Variants in CLK1 observed in about 807,000 individuals in gnomAD.
The protein encoded by CLK1 is CDC like kinase 1.
A neutral mutation model predicts 60.9 loss-of-function variants in CLK1; 40 were observed. The ratio of observed to expected loss-of-function variants is 0.66; its 90% confidence interval spans 0.51 to 0.86. CLK1 has a LOEUF of 0.86. CLK1 is among the 40% of genes least tolerant of loss of function. CLK1 has a pLI of 0.00. For missense variants in CLK1, 563 were observed against 606.1 expected (o/e 0.93, Z 0.75); for synonymous variants, 203 against 184.4 (o/e 1.10, Z -0.82).
In CLK1 at chr2:200,853,430, T is replaced by A. The variant is rs1352982873; in HGVS notation, c.1331A>T (p.Asp444Val). The change falls in exon 13 of 13, where the codon GAT becomes GTT. Residue 444 changes from aspartate (D) to valine (V), a missense_variant. By Grantham distance (152) the Asp-to-Val change is radical (BLOSUM62 -3). Transcript: ENST00000321356. ...KPLKEFMLSQ[D>V]VEHERLFDLI... ...GTCAAAGAGACGCTCATGTTCAACA[T>A]CTTGAGAAAGCATAAATTCCTGGAA... 2 of 1,601,602 alleles carry A rather than the reference T, an allele frequency of 1.2e-6. No homozygotes were observed.
At chr2:200,856,237 A>G (rs962231234) in intron 9 of CLK1, among the ~76,000 whole-genome samples, 21 of 151,496 alleles carry the variant, frequency 1.4e-4, no homozygotes, top group African/African-American at 5.1e-4. Flanking sequence ...CACCCAGCTA[A>G]TTTTTTGTAT....
At chr2:200,854,935 A>C (rs988365784) in intron 10 of CLK1, 69 bp downstream of exon 10, 122 of 1,175,486 alleles carry the variant, frequency 1.0e-4, no homozygotes, top group Non-Finnish European at 1.4e-4. Flanking sequence ...GGGAAGCAAA[A>C]GTATTTATTC....
Position 200,854,000 on chromosome 2 carries a change from A to G in CLK1, c.1221-7T>C, listed in dbSNP as rs757000228. The G allele has an allele frequency of 1.9e-6, 3 of 1,589,470 alleles. No homozygotes were observed. Among genetic ancestry groups the G allele is most frequent in the African/African-American group, 1.3e-5 (1 of 74,230 alleles). ...GTGAAAATATTTACGTTTCCTAAAA[A>G]TAAGTCAATATCCATTCATGTTTAT... On this transcript the variant is annotated splice_region_variant and splice_polypyrimidine_tract_variant and intron_variant, in intron 11 of 12. Transcript: ENST00000321356.
chr2:200,854,776 A>T lies in CLK1; in HGVS notation c.1141-81T>A, dbSNP rs965800046. The T allele has an allele frequency of 8.5e-5, 90 of 1,053,632 alleles. 1 individual carries two copies. The highest frequency in any genetic ancestry group is 5.3e-5 in the South Asian group (4 of 75,344). The allele number at this position is 1,053,632 out of a possible 1,614,324, so 65.3% of individuals were successfully genotyped here. A position where few individuals can be genotyped will look rare whatever the true frequency, so the allele number is the denominator to read the frequency against. ...TAAAGCTGACAGCAAAAAAACTAAC[A>T]TTAAGGCTTGCAGAACAAACTCGCC... is the stretch of plus-strand genomic sequence containing the variant. On this transcript the variant is annotated intron_variant, in intron 10 of 12. Transcript: ENST00000321356.
chr2:200,855,454 T>C (rs1463979275), intron 9 of CLK1, among the ~76,000 whole-genome samples: 5 of 152,062 alleles, frequency 3.3e-5, no homozygotes, highest in Admixed American at 3.3e-4. Flanking sequence ...ACTCCGTCTC[T>C]ACTAAAAATA....
At chr2:200,864,236 C>A in intron 1 of CLK1, 1 of 1,541,710 alleles carries the variant, frequency 6.5e-7, no homozygotes, top group South Asian at 1.2e-5. Context: ...TCTTACAGCT[C>A]CGCCGAGGCG....
chr2:200,862,346 T>C (rs1206779005), intron 1 of CLK1, among the ~76,000 whole-genome samples: 1 of 152,238 alleles, frequency 6.6e-6, no homozygotes, highest in Non-Finnish European at 1.5e-5. Context: ...TCCACCATTG[T>C]GATTTATTTC....
chr2:200,861,030 G>C (rs1442962754), intron 3 of CLK1: 5 of 1,352,788 alleles, frequency 3.7e-6, no homozygotes, highest in Non-Finnish European at 4.7e-6. Context: ...TGTCAATTAG[G>C]AGCCAACCAA....
At chr2:200,862,521 A>G (rs1343365907) in intron 1 of CLK1, among the ~76,000 whole-genome samples, 1 of 151,630 alleles carries the variant, frequency 6.6e-6, no homozygotes, top group Non-Finnish European at 1.5e-5. Flanking sequence ...TCTTAACTCC[A>G]CCGCCTATCC....
At chr2:200,859,845 A>G (rs2039106047) in intron 4 of CLK1, 99 bp from the exon 5 acceptor site, 4 of 1,530,626 alleles carry the variant, frequency 2.6e-6, no homozygotes, top group South Asian at 2.5e-5. Context: ...TTGATGCTAC[A>G]AATTTCCTTA....
At chr2:200,853,685 A>G (rs1311073489) in intron 12 of CLK1, among the ~76,000 whole-genome samples, 1 of 146,870 alleles carries the variant, frequency 6.8e-6, no homozygotes, top group African/African-American at 2.5e-5. Context: ...ACTTGAAAAA[A>G]AAAAAAAAAA....
In CLK1 at chr2:200,856,747, T is replaced by C. The variant is rs1205348689; in HGVS notation, c.992A>G (p.Tyr331Cys). 2 of 1,613,476 alleles carry C rather than the reference T, an allele frequency of 1.2e-6. No homozygotes were observed. The highest frequency in any genetic ancestry group is 2.2e-5 in the East Asian group (1 of 44,852). The change falls in exon 9 of 13, where the codon TAT becomes TGT. Residue 331 changes from tyrosine (Y) to cysteine (C), a missense_variant. Coordinates refer to ENST00000321356, the MANE Select transcript of CLK1 (RefSeq NM_004071.4). ...CAATGTACTGTGATGTTCGTCATCA[T>C]ATGTTGCACTACCAAAGTCTACAAC... ...IKVVDFGSAT[Y>C]DDEHHSTLVS...
At chr2:200,864,112 T>C in intron 1 of CLK1, 1 of 1,550,024 alleles carries the variant, frequency 6.5e-7, no homozygotes, top group Non-Finnish European at 8.7e-7. Flanking sequence ...CCAGACAACG[T>C]TTCCCCACAG....
chr2:200,861,413 T>C lies in CLK1; in HGVS notation c.215A>G (p.Tyr72Cys), dbSNP rs1246067130. Reference sequence around the variant, plus strand: ...GTAGTCATTTCTGTACTCATCAATGTAGCGTCGACTATGATAATCTTTCTC... The same window carrying C: ...GTAGTCATTTCTGTACTCATCAATGCAGCGTCGACTATGATAATCTTTCTC... ...INEKDYHSRR[Y>C]IDEYRNDYTQ... Residue 72 changes from tyrosine (Y) to cysteine (C), a missense_variant, in exon 3 of 13, where the codon TAC becomes TGC. Physicochemically the swap from Tyr to Cys is radical, Grantham distance 194. This residue lies in a region of CLK1 where 198 missense variants were observed against 179.2 expected (regional missense o/e 1.10). Transcript: ENST00000321356. The C allele has an allele frequency of 1.9e-6, 3 of 1,614,164 alleles. No homozygotes were observed.
chr2:200,854,916 C>T, intron 10 of CLK1, 88 bp downstream of exon 10: 2 of 976,062 alleles, frequency 2.0e-6, no homozygotes, highest in Non-Finnish European at 1.6e-6. Context: ...AATTAATAGT[C>T]TATAATGGGG....
At chr2:200,855,866 G>A (rs933064096) in intron 9 of CLK1, among the ~76,000 whole-genome samples, 9 of 149,904 alleles carry the variant, frequency 6.0e-5, no homozygotes, top group African/African-American at 1.5e-4. Context: ...AAAATTAACC[G>A]GGTGTGGTGG....
At chr2:200,860,707 T>G in intron 3 of CLK1, 1 of 998,978 alleles carries the variant, frequency 1.0e-6, no homozygotes, top group Non-Finnish European at 1.2e-6. Context: ...AGATTTGGCA[T>G]ACAAGAATAA....
chr2:200,859,377 A>G (rs2039097556), intron 5 of CLK1, among the ~76,000 whole-genome samples: 1 of 152,180 alleles, frequency 6.6e-6, no homozygotes, highest in African/African-American at 2.4e-5. Flanking sequence ...CAAGGCTGAG[A>G]ACCACTAATA....
At position 200,857,844 on chromosome 2, in the gene CLK1, G is replaced by T; in HGVS notation, c.706C>A (p.His236Asn). ...AATAGTTCAAAAACAATGCAAATGTGACCATGATGCTCAAACCATTCCAAC... is the reference window on the plus strand; with the variant it reads ...AATAGTTCAAAAACAATGCAAATGTTACCATGATGCTCAAACCATTCCAAC... ...QMLEWFEHHG[H>N]ICIVFELLGL... The change falls in exon 7 of 13, where the codon CAC becomes AAC. Residue 236 changes from histidine to asparagine, a missense_variant. Physicochemically the swap from His to Asn is moderately conservative, Grantham distance 68. This residue lies in a region of CLK1 where 360 missense variants were observed against 407.0 expected (regional missense o/e 0.88). Coordinates refer to ENST00000321356, the MANE Select transcript of CLK1 (RefSeq NM_004071.4). 2 of 1,613,702 alleles carry T rather than the reference G, an allele frequency of 1.2e-6. No individual in the cohort carries two copies. The highest frequency in any genetic ancestry group is 2.2e-5 in the South Asian group (2 of 90,972).
Sources: allele counts gnomAD v4.1 joint callset (sites outside exome capture counted in the v4.1 genomes callset), GRCh38; gene constraint gnomAD v4.1.1; regional missense constraint gnomAD v4.1.1; transcripts MANE v1.5; gene names NCBI Gene and HGNC (gene_info 2026-07-23, HGNC 2026-07-21).